Variants in MAST2 observed in about 807,000 individuals in gnomAD.
The protein encoded by MAST2 is microtubule-associated serine/threonine-protein kinase 2.
In MAST2, 70 loss-of-function variants were observed where a neutral mutation model predicts 147.4. The ratio of observed to expected loss-of-function variants is 0.47; its 90% CI spans 0.39 to 0.58. MAST2 has a LOEUF of 0.58. Ranked by LOEUF, MAST2 falls within the 20% of genes least tolerant of loss-of-function variation. The probability of loss-of-function intolerance (pLI) is 0.00; values close to 1 mark genes in which losing one functional copy is unlikely to be tolerated. For missense variants in MAST2, 2,080 were observed against 2,302.3 expected (o/e 0.90, Z 1.98); for synonymous variants, 869 against 896.8 (o/e 0.97, Z 0.55).
Position 46,031,626 on chromosome 1 carries a change from G to T in MAST2, c.3187+41G>T. On this transcript the variant is annotated intron_variant, in intron 24 of 28. Coordinates refer to ENST00000361297, the MANE Select transcript of MAST2 (RefSeq NM_015112.3). The surrounding 1 kb of genome is among the most constrained non-coding windows in gnomAD (Gnocchi z 4.1). ...AGCTGGGATAAAACTCACAGGAAGG[G>T]CCTTGTAATCTCTAGGCCTTGGGAG... 1 of 1,581,552 alleles carries T rather than the reference G, an allele frequency of 6.3e-7. No homozygotes were observed. The highest frequency in any genetic ancestry group is 8.6e-7 in the Non-Finnish European group (1 of 1,158,250).
At chr1:45,914,119 TG>T (rs1219129805) in intron 4 of MAST2, among the ~76,000 whole-genome samples, 1 of 152,230 alleles carries the variant, frequency 6.6e-6, no homozygotes, top group Admixed American at 6.5e-5. Context: ...CTTGGAGAAC[TG>T]GGTAAAAAAA....
chr1:46,032,229 C>A lies in MAST2; in HGVS notation c.3239C>A (p.Ser1080Ter). 6.2e-7 allele frequency: 1 copy of A among 1,614,220 alleles called. No homozygotes were observed. Among genetic ancestry groups the A allele is most frequent in the South Asian group, 1.1e-5 (1 of 91,088 alleles). ...AGCCCCATGTCCCCACATTCTCAGT[C>A]GTCCAACCCATCATCCCGGGACTCT... ...LASPMSPHSQ[S>*]SNPSSRDSSP... Residue 1080 changes from serine to a stop codon, truncating the protein, a stop_gained, in exon 25 of 29, where the codon TCG becomes TAG. Transcript: ENST00000361297. LOFTEE classifies it high-confidence loss of function.
intron 4 of MAST2, among the ~76,000 whole-genome samples, chr1:45,894,055 A>G (rs1648307215): frequency 6.6e-6 from 1 of 151,942 alleles, no homozygotes; most frequent in African/African-American, 2.4e-5. Context: ...TTTCTACAAA[A>G]ATATGTAAAA....
intron 5 of MAST2, among the ~76,000 whole-genome samples, chr1:45,969,142 A>G (rs937314292): frequency 3.3e-5 from 5 of 152,102 alleles, no homozygotes; most frequent in Middle Eastern, 3.2e-3. Flanking sequence ...GTTTTGAAAA[A>G]TTCCTAGTCT....
At chr1:45,832,962 G>A (rs1325447700) in intron 3 of MAST2, among the ~76,000 whole-genome samples, 4 of 151,988 alleles carry the variant, frequency 2.6e-5, no homozygotes, top group African/African-American at 7.2e-5. Flanking sequence ...CCCTAACCCC[G>A]CCCCCACACT....
At chr1:45,816,520 G>T (rs1485835025) in intron 1 of MAST2, among the ~76,000 whole-genome samples, 1 of 152,064 alleles carries the variant, frequency 6.6e-6, no homozygotes, top group Non-Finnish European at 1.5e-5. Flanking sequence ...GGATAACACA[G>T]ATAAGGAAAT....
chr1:45,818,936 A>G (rs1644536748), intron 1 of MAST2, among the ~76,000 whole-genome samples: 1 of 152,226 alleles, frequency 6.6e-6, no homozygotes, highest in Non-Finnish European at 1.5e-5. Flanking sequence ...AAAATGATGT[A>G]TAATATAATG....
intron 5 of MAST2, among the ~76,000 whole-genome samples, chr1:45,992,898 A>G (rs889590588): frequency 1.7e-4 from 25 of 151,444 alleles, no homozygotes; most frequent in African/African-American, 6.1e-4. Context: ...TTTTTATTCC[A>G]TTTATGTCCT....
At position 46,030,766 on chromosome 1, in the gene MAST2, G is replaced by A. The variant is rs1185073279; in HGVS notation, c.2708+5G>A. On this transcript the variant is annotated splice_donor_5th_base_variant and intron_variant, in intron 22 of 28. Transcript: ENST00000361297. ...GGTGATTGGCTCCCCTGAGATGTGA[G>A]CACCCAGAGTTCACCCAGGGTGGGC... The A allele has an allele frequency of 6.4e-7, 1 of 1,570,630 alleles. No homozygotes were observed. The highest frequency in any genetic ancestry group is 8.6e-7 in the Non-Finnish European group (1 of 1,162,828).
chr1:45,922,364 C>A lies in MAST2; in HGVS notation c.501-37022C>A, dbSNP rs901497101. 3.3e-5 allele frequency among the ~76,000 whole-genome samples: 5 copies of A among 152,254 alleles called. No individual in the cohort carries two copies. In the South Asian group the frequency reaches 1.0e-3, roughly 32 times the overall value. On this transcript the variant is annotated intron_variant, in intron 4 of 28. Transcript: ENST00000361297. ...CACCCAGGAGCCTGTCTGCCTCCTG[C>A]TGCTGTTCATGGTGACCAGGCTGTT...
intron 3 of MAST2, among the ~76,000 whole-genome samples, chr1:45,841,245 C>T (rs963836655): frequency 3.9e-5 from 6 of 152,074 alleles, no homozygotes; most frequent in African/African-American, 1.4e-4. Context: ...CAGGGGTGAG[C>T]CACCGCACCT....
chr1:46,005,362 CAAA>C (rs35830016), intron 7 of MAST2, among the ~76,000 whole-genome samples: 1 of 101,174 alleles, frequency 9.9e-6, no homozygotes, highest in African/African-American at 3.6e-5. Flanking sequence ...AACTCTGTCT[CAAA>C]AAAAAAAAAA....
intron 6 of MAST2, 107 bp downstream of exon 6, chr1:45,997,906 T>A: frequency 1.1e-6 from 1 of 908,986 alleles, no homozygotes; most frequent in Non-Finnish European, 1.8e-6. Context: ...TTCAAGTGTA[T>A]TACCTGAAGC....
At chr1:45,903,999 C>T (rs79909710) in intron 4 of MAST2, among the ~76,000 whole-genome samples, 35 of 152,170 alleles carry the variant, frequency 2.3e-4, no homozygotes, top group African/African-American at 8.4e-4. Flanking sequence ...TTCTTGCTTG[C>T]TTATTTGCTT....
At chr1:45,887,950 A>G (rs1030250287) in intron 4 of MAST2, among the ~76,000 whole-genome samples, 1 of 152,238 alleles carries the variant, frequency 6.6e-6, no homozygotes, top group African/African-American at 2.4e-5. Context: ...AGCCATAGTC[A>G]TCACTCATAT....
intron 2 of MAST2, among the ~76,000 whole-genome samples, chr1:45,829,115 A>C (rs1182155626): frequency 6.6e-6 from 1 of 152,104 alleles, no homozygotes; most frequent in African/African-American, 2.4e-5. Flanking sequence ...TGAGGTGATG[A>C]GAAACTATGT....
intron 4 of MAST2, among the ~76,000 whole-genome samples, chr1:45,947,583 T>C (rs1658254567): frequency 6.6e-6 from 1 of 151,728 alleles, no homozygotes; most frequent in Admixed American, 6.6e-5. Flanking sequence ...TCAATAAGAG[T>C]AGAAGTGCTA....
intron 6 of MAST2, among the ~76,000 whole-genome samples, chr1:46,001,412 C>A (rs968721061): frequency 6.6e-6 from 1 of 152,210 alleles, no homozygotes; most frequent in African/African-American, 2.4e-5. Context: ...GGAAAACTCA[C>A]ATGTACAAAA....
At chr1:45,830,981 A>G (rs1365738790) in intron 3 of MAST2, among the ~76,000 whole-genome samples, 1 of 144,508 alleles carries the variant, frequency 6.9e-6, no homozygotes, top group Non-Finnish European at 1.5e-5. Flanking sequence ...AGCTGTAGTG[A>G]GTTGTGATTG....
Sources: gnomAD v4.1 joint callset for allele counts (sites outside exome capture counted in the v4.1 genomes callset) on GRCh38, gnomAD v4.1.1 for gene constraint, Gnocchi (gnomAD v3.1) non-coding constraint, MANE v1.5 for transcripts, NCBI Gene and HGNC (gene_info 2026-07-23, HGNC 2026-07-21) for gene names.